PLA2G4D: variants seen among roughly 807,000 people sequenced by gnomAD.
PLA2G4D encodes cytosolic phospholipase A2 delta.
In PLA2G4D, 80 loss-of-function variants were observed where a neutral mutation model predicts 94.4. The ratio of observed to expected loss-of-function variants is 0.85; its 90% CI spans 0.71 to 1.02. PLA2G4D has a LOEUF of 1.02. PLA2G4D is among the 50% of genes least tolerant of loss of function. PLA2G4D has a pLI of 0.00. For synonymous variants in PLA2G4D, 438 were observed against 440.9 expected (o/e 0.99, Z 0.08); for missense variants, 1,050 against 1,034.7 (o/e 1.01, Z -0.20).
chr15:42,068,351 G>A lies in PLA2G4D; in HGVS notation c.*364C>T, dbSNP rs1425384318. ...TGTCTTGTGATTCCCGAGGCCTGAA[G>A]CCACCTGTCAGGTCAGGCATCCCCT... On this transcript the variant is annotated 3_prime_UTR_variant, in exon 20 of 20. Coordinates refer to ENST00000290472, the MANE Select transcript of PLA2G4D (RefSeq NM_178034.4). 3 of 237,876 alleles carry A rather than the reference G, an allele frequency of 1.3e-5. No individual in the cohort carries two copies. Among genetic ancestry groups the A allele is most frequent in the Non-Finnish European group, 2.5e-5 (3 of 120,720 alleles). The allele number at this position is 237,876 out of a possible 1,614,324, so 14.7% of individuals were successfully genotyped here. A position where few individuals can be genotyped will look rare whatever the true frequency, so the allele number is the denominator to read the frequency against.
At chr15:42,085,958 G>C (rs1890136011) in intron 4 of PLA2G4D, among the ~76,000 whole-genome samples, 1 of 152,272 alleles carries the variant, frequency 6.6e-6, no homozygotes, top group African/African-American at 2.4e-5. Context: ...AGGAGTGATG[G>C]ATGCTGAGCT....
chr15:42,089,738 G>T (rs1890217736), intron 1 of PLA2G4D, among the ~76,000 whole-genome samples: 1 of 152,140 alleles, frequency 6.6e-6, no homozygotes, highest in African/African-American at 2.4e-5. Context: ...GAAGGGCAGA[G>T]GCAGCCCAGC....
chr15:42,071,035 T>C lies in PLA2G4D; in HGVS notation c.1876+88A>G, dbSNP rs560556522. 200 of 1,552,838 alleles carry C rather than the reference T, an allele frequency of 1.3e-4. No homozygotes were observed. The African/African-American group carries it at 2.6e-3, about 20-fold the overall frequency. On this transcript the variant is annotated intron_variant, in intron 17 of 19. Coordinates refer to ENST00000290472, the MANE Select transcript of PLA2G4D (RefSeq NM_178034.4). ...CTCCAGGCCACACCCCAGAAGTGGA[T>C]GCTGACCTCCTAGGCCTCAGCCAGT...
intron 13 of PLA2G4D, among the ~76,000 whole-genome samples, chr15:42,075,198 TTAAAAAATGTCTTC>T (rs1359711633): frequency 6.6e-6 from 1 of 152,206 alleles, no homozygotes; most frequent in Non-Finnish European, 1.5e-5. Context: ...TTGTGAACAA[TTAAAAAATGTCTTC>T]TAAAAAATGT....
chr15:42,071,676 C>CCAGTGCAG, intron 15 of PLA2G4D, 98 bp downstream of exon 15: 1 of 1,421,784 alleles, frequency 7.0e-7, no homozygotes, highest in Non-Finnish European at 9.8e-7. Flanking sequence ...ACCCCTCCCC[C>CCAGTGCAG]TTGTCCTGAG....
At chr15:42,071,751 G>A (rs990959406) in intron 15 of PLA2G4D, 23 bp downstream of exon 15, 1 of 1,613,266 alleles carries the variant, frequency 6.2e-7, no homozygotes, top group Non-Finnish European at 8.5e-7. Flanking sequence ...GCTGCCCAGG[G>A]CCTTCAGAGC....
At chr15:42,086,423 T>G in intron 3 of PLA2G4D, 79 bp from the exon 4 acceptor site, 2 of 1,466,784 alleles carry the variant, frequency 1.4e-6, no homozygotes, top group Non-Finnish European at 1.9e-6. Flanking sequence ...CCTTACTTGA[T>G]GTCTAGAGTC....
chr15:42,079,169 A>G (rs1022593777), intron 13 of PLA2G4D, among the ~76,000 whole-genome samples: 1 of 152,232 alleles, frequency 6.6e-6, no homozygotes, highest in Non-Finnish European at 1.5e-5. Context: ...AACCCAGGCA[A>G]TCTGGTTACA....
At chr15:42,081,965 C>T (rs1277871655) in intron 9 of PLA2G4D, 131 bp from the exon 10 acceptor site, 1 of 1,115,184 alleles carries the variant, frequency 9.0e-7, no homozygotes, top group Non-Finnish European at 1.2e-6. Context: ...GAGTTTCACT[C>T]TTGTTGCTCA....
At chr15:42,092,991 T>G in intron 1 of PLA2G4D, among the ~76,000 whole-genome samples, 1 of 152,170 alleles carries the variant, frequency 6.6e-6, no homozygotes, top group East Asian at 1.9e-4. Flanking sequence ...GTGGAACCCC[T>G]GGGCACAGCC....
chr15:42,075,071 G>A (rs537340265), intron 13 of PLA2G4D, among the ~76,000 whole-genome samples: 5 of 152,230 alleles, frequency 3.3e-5, no homozygotes, highest in Admixed American at 1.3e-4. Flanking sequence ...CTACAGGTGT[G>A]CACCACCATG....
At position 42,072,259 on chromosome 15, in the gene PLA2G4D, G is replaced by A. The variant is rs1472203049; in HGVS notation, c.1435+16C>T. On this transcript the variant is annotated intron_variant, in intron 14 of 19. Transcript: ENST00000290472. ...GGGGGGTGGAGTATGTGGGAGGGGA[G>A]TAGGTAGAACTGTACCCTTGAAGTC... 1 of 1,595,916 alleles carries A rather than the reference G, an allele frequency of 6.3e-7. No individual in the cohort carries two copies. Among genetic ancestry groups the A allele is most frequent in the Non-Finnish European group, 8.6e-7 (1 of 1,164,292 alleles).
At chr15:42,069,206 C>T (rs1470205590) in intron 19 of PLA2G4D, among the ~76,000 whole-genome samples, 1 of 152,150 alleles carries the variant, frequency 6.6e-6, no homozygotes, top group African/African-American at 2.4e-5. Flanking sequence ...GTCTCTACAT[C>T]GCTTCGAGGC....
At chr15:42,083,135 G>A in intron 8 of PLA2G4D, 63 bp downstream of exon 8, 1 of 1,562,372 alleles carries the variant, frequency 6.4e-7, no homozygotes, top group Admixed American at 1.8e-5. Context: ...GCAGGGAGGG[G>A]CCCGCTGCAG....
At position 42,068,676 on chromosome 15, in the gene PLA2G4D, C is replaced by T. The variant is rs1392397781; in HGVS notation, c.*39G>A. 1.3e-6 allele frequency: 2 copies of T among 1,547,556 alleles called. No individual in the cohort carries two copies. Among genetic ancestry groups the T allele is most frequent in the Non-Finnish European group, 1.8e-6 (2 of 1,140,118 alleles). ...GAGCCCAGCTACAGATCAGGTTATG[C>T]CCGCAGGCCCTGGAGGGTCCTGCAG... On this transcript the variant is annotated 3_prime_UTR_variant, in exon 20 of 20. Transcript: ENST00000290472.
chr15:42,087,482 C>T, intron 2 of PLA2G4D, 46 bp from the exon 3 acceptor site: 1 of 1,612,788 alleles, frequency 6.2e-7, no homozygotes, highest in Non-Finnish European at 8.5e-7. Flanking sequence ...TCCCCACACC[C>T]CTCTCCATGA....
At chr15:42,081,966 T>G (rs1412873583) in intron 9 of PLA2G4D, 132 bp from the exon 10 acceptor site, 7 of 1,147,296 alleles carry the variant, frequency 6.1e-6, no homozygotes, top group Non-Finnish European at 8.5e-6. Context: ...AGTTTCACTC[T>G]TGTTGCTCAG....
intron 17 of PLA2G4D, 74 bp downstream of exon 17, chr15:42,071,049 G>A: frequency 1.3e-6 from 2 of 1,571,230 alleles, no homozygotes; most frequent in Non-Finnish European, 1.7e-6. Context: ...GACCTCCTAG[G>A]CCTCAGCCAG....
At chr15:42,071,015 G>T (rs1041655578) in intron 17 of PLA2G4D, 108 bp downstream of exon 17, 2 of 1,535,276 alleles carry the variant, frequency 1.3e-6, no homozygotes, top group African/African-American at 1.4e-5. Context: ...ATCGTCTCCA[G>T]GCCACACCCC....
Sources: allele counts gnomAD v4.1 joint callset (sites outside exome capture counted in the v4.1 genomes callset), GRCh38; gene constraint gnomAD v4.1.1; transcripts MANE v1.5; gene names NCBI Gene and HGNC (gene_info 2026-07-23, HGNC 2026-07-21).